Variants in CERS6 observed in about 807,000 individuals in gnomAD.
CERS6 encodes the protein ceramide synthase 6.
CERS6 carries 26 observed loss-of-function variants against 56.8 expected under a neutral mutation model. That is an observed-to-expected ratio of 0.46 (90% CI 0.34 to 0.63). The LOEUF is 0.63. Among genes scored for constraint, CERS6 ranks in the 30% least tolerant of loss-of-function variants. The probability of loss-of-function intolerance (pLI) is 0.01; values close to 1 mark genes in which losing one functional copy is unlikely to be tolerated. For missense variants in CERS6, 415 were observed against 467.5 expected (o/e 0.89, Z 1.04); for synonymous variants, 164 against 173.3 (o/e 0.95, Z 0.42).
At chr2:168,748,242 C>T (rs1334239484) in intron 8 of CERS6, among the ~76,000 whole-genome samples, 1 of 152,096 alleles carries the variant, frequency 6.6e-6, no homozygotes, top group Admixed American at 6.5e-5. Context: ...AGAAGTCTTA[C>T]CTTCAGCTTG....
intron 3 of CERS6, among the ~76,000 whole-genome samples, chr2:168,587,467 C>T (rs1255929008): frequency 9.2e-5 from 14 of 152,272 alleles, no homozygotes; most frequent in South Asian, 2.1e-4. Context: ...TGAAAATAAG[C>T]GCAGAGCAGT....
At chr2:168,699,295 T>C (rs1301943008) in intron 6 of CERS6, among the ~76,000 whole-genome samples, 1 of 152,194 alleles carries the variant, frequency 6.6e-6, no homozygotes, top group African/African-American at 2.4e-5. Context: ...TATGATGGGA[T>C]AGGGATGTTT....
chr2:168,502,468 A>G (rs1694600355), intron 1 of CERS6, among the ~76,000 whole-genome samples: 1 of 152,168 alleles, frequency 6.6e-6, no homozygotes, highest in Admixed American at 6.5e-5. Flanking sequence ...CTAAAGTGAT[A>G]GCTTTGGCTG....
intron 2 of CERS6, among the ~76,000 whole-genome samples, chr2:168,554,116 AAG>A (rs1695633551): frequency 1.3e-5 from 2 of 152,202 alleles, no homozygotes; most frequent in South Asian, 4.1e-4. Flanking sequence ...ATGGAAAAGA[AAG>A]AGTCATATGG....
intron 1 of CERS6, among the ~76,000 whole-genome samples, chr2:168,498,916 C>T (rs1694528413): frequency 6.6e-6 from 1 of 152,082 alleles, no homozygotes; most frequent in Non-Finnish European, 1.5e-5. Context: ...TCTGACTTCC[C>T]CCCCACATCT....
chr2:168,748,224 G>T (rs1456504085), intron 8 of CERS6, among the ~76,000 whole-genome samples: 1 of 152,178 alleles, frequency 6.6e-6, no homozygotes, highest in Non-Finnish European at 1.5e-5. Context: ...TCTTTCTGCA[G>T]TGAGAGTAGA....
intron 7 of CERS6, among the ~76,000 whole-genome samples, chr2:168,715,888 A>G (rs776103534): frequency 1.3e-5 from 2 of 152,136 alleles, no homozygotes; most frequent in Non-Finnish European, 2.9e-5. Context: ...TACAAAGCCT[A>G]TGTAGAAATG....
intron 4 of CERS6, among the ~76,000 whole-genome samples, chr2:168,642,265 C>T (rs1685069359): frequency 6.6e-6 from 1 of 152,022 alleles, no homozygotes; most frequent in South Asian, 2.1e-4. Context: ...TCTATTGAGC[C>T]CAGGAGGTTG....
chr2:168,747,178 C>G (rs1463702041), intron 8 of CERS6, among the ~76,000 whole-genome samples: 1 of 151,986 alleles, frequency 6.6e-6, no homozygotes, highest in African/African-American at 2.4e-5. Flanking sequence ...CCCAGTTACT[C>G]AGGAGGCTGA....
intron 8 of CERS6, among the ~76,000 whole-genome samples, chr2:168,743,997 T>TTC (rs1684011099): frequency 2.8e-5 from 1 of 35,706 alleles, no homozygotes; most frequent in African/African-American, 5.7e-5. Flanking sequence ...TTTTTTTTCT[T>TTC]TTTTTTTTTT....
chr2:168,673,736 G>A (rs989280092), intron 4 of CERS6, among the ~76,000 whole-genome samples: 1 of 152,146 alleles, frequency 6.6e-6, no homozygotes, highest in African/African-American at 2.4e-5. Flanking sequence ...GGGAAATTAA[G>A]GAACTTTTGT....
At chr2:168,600,916 G>A (rs1169814163) in intron 3 of CERS6, among the ~76,000 whole-genome samples, 1 of 152,172 alleles carries the variant, frequency 6.6e-6, no homozygotes, top group African/African-American at 2.4e-5. Flanking sequence ...ACCACCACCT[G>A]ATTTCTATTT....
chr2:168,689,986 T>C (rs1006311879), intron 4 of CERS6, among the ~76,000 whole-genome samples: 3 of 152,142 alleles, frequency 2.0e-5, no homozygotes, highest in East Asian at 3.9e-4. Flanking sequence ...TAGGTAGTTA[T>C]TCACAGACTC....
At chr2:168,561,127 C>A (rs1695778473) in intron 2 of CERS6, 65 bp from the exon 3 acceptor site, 1 of 1,543,002 alleles carries the variant, frequency 6.5e-7, no homozygotes, top group East Asian at 2.3e-5. Flanking sequence ...TAGACAAGGG[C>A]AGATCTGTTT....
chr2:168,570,844 GA>G (rs1178364001), intron 3 of CERS6, among the ~76,000 whole-genome samples: 1 of 152,118 alleles, frequency 6.6e-6, no homozygotes, highest in Non-Finnish European at 1.5e-5. Flanking sequence ...TAAGTGAGGG[GA>G]TGTTTGTCTA....
intron 8 of CERS6, among the ~76,000 whole-genome samples, chr2:168,741,917 A>G (rs12618919): frequency 0.085 from 12,939 of 152,220 alleles, 919 homozygotes; most frequent in East Asian, 0.43. Context: ...CAGTTTCAGT[A>G]TAGTATTCAT....
At chr2:168,533,079 T>C (rs2105363590) in intron 1 of CERS6, among the ~76,000 whole-genome samples, 1 of 152,374 alleles carries the variant, frequency 6.6e-6, no homozygotes, top group East Asian at 1.9e-4. Context: ...AGTTTCTCAC[T>C]ACTCTTCCTG....
rs138048547 is a variant in CERS6, at chr2:168,703,135, G to C, written c.609+8084G>C. 6.9e-3 allele frequency among the ~76,000 whole-genome samples: 1,050 copies of C among 152,184 alleles called. 11 individuals are homozygous for C. The highest frequency in any genetic ancestry group is 0.023 in the African/African-American group (955 of 41,510). On this transcript the variant is annotated intron_variant, in intron 6 of 9. Transcript: ENST00000305747. ...TAAAAATTTCTCAGTTCCAACAGTG[G>C]GTATGTTAATACTGATAGATATAGT... is the stretch of plus-strand genomic sequence containing the variant.
chr2:168,757,281 G>A (rs1209497739), intron 8 of CERS6, among the ~76,000 whole-genome samples: 2 of 151,468 alleles, frequency 1.3e-5, no homozygotes, highest in African/African-American at 4.9e-5. Context: ...AGGAGCGTAG[G>A]TAAGTAGACC....
Sources: gnomAD v4.1 joint callset for allele counts (sites outside exome capture counted in the v4.1 genomes callset) on GRCh38, gnomAD v4.1.1 for gene constraint, MANE v1.5 for transcripts, NCBI Gene and HGNC (gene_info 2026-07-23, HGNC 2026-07-21) for gene names.